Variants in PDE1A observed in about 807,000 individuals in gnomAD.
PDE1A encodes phosphodiesterase 1A.
A neutral mutation model predicts 61.7 loss-of-function variants in PDE1A; 35 were observed. The ratio of observed to expected loss-of-function variants is 0.57; its 90% confidence interval spans 0.43 to 0.75. The LOEUF is 0.75. Ranked by LOEUF, PDE1A falls within the 30% of genes least tolerant of loss-of-function variation. The probability of loss-of-function intolerance (pLI) is 0.00; values close to 1 mark genes in which losing one functional copy is unlikely to be tolerated. For synonymous variants in PDE1A, 232 were observed against 213.2 expected (o/e 1.09, Z -0.77); for missense variants, 597 against 630.6 (o/e 0.95, Z 0.57).
the PDE1A span, among the ~76,000 whole-genome samples, chr2:182,714,936 C>T: frequency 6.6e-6 from 1 of 152,170 alleles, no homozygotes; most frequent in East Asian, 1.9e-4. Flanking sequence ...TTTGCATCCT[C>T]TCTCCAATAG....
chr2:182,470,796 A>G (rs1280696165), intron 2 of PDE1A, among the ~76,000 whole-genome samples: 1 of 151,772 alleles, frequency 6.6e-6, no homozygotes, highest in African/African-American at 2.4e-5. Flanking sequence ...GAGAATCTCA[A>G]CTGTGTTACA....
At chr2:182,679,587 T>A in the PDE1A span, among the ~76,000 whole-genome samples, 2 of 151,976 alleles carry the variant, frequency 1.3e-5, no homozygotes, top group Non-Finnish European at 2.9e-5. Context: ...TTATTACGTG[T>A]CAATTACAAA....
chr2:182,468,728 T>C (rs1187255176), intron 2 of PDE1A, among the ~76,000 whole-genome samples: 1 of 152,012 alleles, frequency 6.6e-6, no homozygotes, highest in Non-Finnish European at 1.5e-5. Flanking sequence ...GTGGCAACTA[T>C]AGCCTCATGA....
upstream of PDE1A, among the ~76,000 whole-genome samples, chr2:182,430,179 A>G (rs533527856): frequency 2.9e-3 from 435 of 151,038 alleles, 1 homozygote; most frequent in Non-Finnish European, 5.1e-3. Context: ...AACCTACAAC[A>G]TGGGAGAAAA....
intron 7 of PDE1A, among the ~76,000 whole-genome samples, chr2:182,213,898 C>T (rs1317447993): frequency 1.2e-4 from 15 of 125,368 alleles, no homozygotes; most frequent in African/African-American, 4.2e-4. Context: ...CCAACGTTCA[C>T]ATTCAGGAAA....
At chr2:182,614,553 C>G in the PDE1A span, among the ~76,000 whole-genome samples, 1 of 112,616 alleles carries the variant, frequency 8.9e-6, no homozygotes, top group African/African-American at 3.1e-5. Flanking sequence ...ACTAGCATAT[C>G]TTTTTTTTTT....
chr2:182,415,066 T>A (rs1025213562), intron 1 of PDE1A, among the ~76,000 whole-genome samples: 5 of 152,112 alleles, frequency 3.3e-5, no homozygotes, highest in Non-Finnish European at 5.9e-5. Context: ...GAAATAATGG[T>A]TCTACCCTAC....
intron 2 of PDE1A, among the ~76,000 whole-genome samples, chr2:182,242,836 TTC>T (rs1690625975): frequency 6.6e-6 from 1 of 151,358 alleles, no homozygotes; most frequent in Admixed American, 6.6e-5. Flanking sequence ...CATGAGCCCA[TTC>T]CTTAAAATAC....
At chr2:182,687,813 C>G in the PDE1A span, among the ~76,000 whole-genome samples, 1 of 152,132 alleles carries the variant, frequency 6.6e-6, no homozygotes, top group Non-Finnish European at 1.5e-5. Context: ...ACTAGAACAA[C>G]CAATGCAGAG....
chr2:182,354,987 T>C (rs1184506478), intron 1 of PDE1A, among the ~76,000 whole-genome samples: 1 of 152,108 alleles, frequency 6.6e-6, no homozygotes, highest in African/African-American at 2.4e-5. Flanking sequence ...TAATTAGTGA[T>C]GACTATTATA....
intron 7 of PDE1A, among the ~76,000 whole-genome samples, chr2:182,222,980 G>C (rs1688852525): frequency 6.6e-6 from 1 of 151,990 alleles, no homozygotes; most frequent in African/African-American, 2.4e-5. Flanking sequence ...GTTATGGACT[G>C]AATTGTGTCT....
At chr2:182,318,067 C>A (rs1018757265) in intron 1 of PDE1A, among the ~76,000 whole-genome samples, 10 of 152,124 alleles carry the variant, frequency 6.6e-5, no homozygotes, top group African/African-American at 1.7e-4. Flanking sequence ...ATACAGAATT[C>A]TCTGGCTATA....
chr2:182,529,754 T>A, the PDE1A span, among the ~76,000 whole-genome samples: 1 of 152,182 alleles, frequency 6.6e-6, no homozygotes, highest in Non-Finnish European at 1.5e-5. Context: ...AGTGAATAAG[T>A]CTCAAGAGAT....
chr2:182,558,102 T>C, the PDE1A span, among the ~76,000 whole-genome samples: 1 of 152,200 alleles, frequency 6.6e-6, no homozygotes, highest in Non-Finnish European at 1.5e-5. Context: ...TAATTTATCA[T>C]TGATGTATAT....
At chr2:182,518,986 A>G (rs918028123) in intron 2 of PDE1A, among the ~76,000 whole-genome samples, 6 of 152,116 alleles carry the variant, frequency 3.9e-5, no homozygotes, top group African/African-American at 1.4e-4. Flanking sequence ...GTTTAGAGAA[A>G]AAAAAAGCAA....
the PDE1A span, among the ~76,000 whole-genome samples, chr2:182,578,686 T>A: frequency 6.6e-6 from 1 of 152,204 alleles, no homozygotes; most frequent in East Asian, 1.9e-4. Context: ...CTTTTTTACA[T>A]GAACCTGAAA....
At chr2:182,626,397 T>A in the PDE1A span, among the ~76,000 whole-genome samples, 4 of 151,944 alleles carry the variant, frequency 2.6e-5, no homozygotes, top group Non-Finnish European at 5.9e-5. Flanking sequence ...GAATTTTTTT[T>A]AAAAAAGCCC....
At chr2:182,162,061 A>G (rs140440593) in intron 13 of PDE1A, among the ~76,000 whole-genome samples, 2 of 152,164 alleles carry the variant, frequency 1.3e-5, no homozygotes, top group African/African-American at 2.4e-5. Flanking sequence ...ACTCCCCCAC[A>G]CTGGGAGGGT....
intron 2 of PDE1A, among the ~76,000 whole-genome samples, chr2:182,468,668 A>C (rs1263649580): frequency 6.6e-6 from 1 of 152,012 alleles, no homozygotes; most frequent in Non-Finnish European, 1.5e-5. Flanking sequence ...AATCCTATCC[A>C]GAAGGTTTTC....
Sources: allele counts gnomAD v4.1 joint callset (sites outside exome capture counted in the v4.1 genomes callset), GRCh38; gene constraint gnomAD v4.1.1; transcripts MANE v1.5; gene names NCBI Gene and HGNC (gene_info 2026-07-23, HGNC 2026-07-21).